ME1: variants seen among roughly 807,000 people sequenced by gnomAD.
The protein encoded by ME1 is malic enzyme 1, also known as NADP-dependent malic enzyme.
In ME1, 74 loss-of-function variants were observed where a neutral mutation model predicts 66.4. The ratio of observed to expected loss-of-function variants is 1.11; its 90% CI spans 0.92 to 1.35. ME1 has a LOEUF of 1.35. Among genes scored for constraint, ME1 ranks in the 40% most tolerant of loss-of-function variants. The probability of loss-of-function intolerance (pLI) is 0.00; values close to 1 mark genes in which losing one functional copy is unlikely to be tolerated. For missense variants in ME1, 750 were observed against 694.1 expected (o/e 1.08, Z -0.90); for synonymous variants, 251 against 235.6 (o/e 1.07, Z -0.60).
At chr6:83,271,285 G>A (rs1479404792) in intron 6 of ME1, among the ~76,000 whole-genome samples, 1 of 152,178 alleles carries the variant, frequency 6.6e-6, no homozygotes, top group Admixed American at 6.6e-5. Context: ...ACAATTTACA[G>A]ACACAAATTG....
intron 11 of ME1, among the ~76,000 whole-genome samples, chr6:83,225,635 T>C (rs1287900873): frequency 6.6e-6 from 1 of 152,086 alleles, no homozygotes; most frequent in Non-Finnish European, 1.5e-5. Context: ...TAGCTGTTTA[T>C]AAGACACTGT....
intron 1 of ME1, among the ~76,000 whole-genome samples, chr6:83,427,634 C>A (rs1332365727): frequency 3.3e-5 from 5 of 152,112 alleles, no homozygotes; most frequent in African/African-American, 1.2e-4. Flanking sequence ...ATTAAGTAAA[C>A]ATTTATTTAA....
chr6:83,413,979 T>C (rs1452113604), intron 1 of ME1, among the ~76,000 whole-genome samples: 1 of 151,720 alleles, frequency 6.6e-6, no homozygotes, highest in African/African-American at 2.4e-5. Context: ...GGTATGGTGG[T>C]GCATGCCTGT....
At chr6:83,318,017 T>C (rs1253484363) in intron 5 of ME1, among the ~76,000 whole-genome samples, 1 of 152,104 alleles carries the variant, frequency 6.6e-6, no homozygotes, top group Admixed American at 6.5e-5. Flanking sequence ...AACTATCTGA[T>C]CTTTGACAAA....
intron 6 of ME1, among the ~76,000 whole-genome samples, chr6:83,271,602 G>A (rs563098624): frequency 8.5e-5 from 13 of 152,182 alleles, no homozygotes; most frequent in African/African-American, 1.7e-4. Context: ...ACAGTAATAC[G>A]TTGTGGGTTC....
At chr6:83,324,592 T>C (rs893326701) in intron 5 of ME1, among the ~76,000 whole-genome samples, 1 of 151,346 alleles carries the variant, frequency 6.6e-6, no homozygotes, top group East Asian at 1.9e-4. Context: ...CTAGAATATC[T>C]AGAAGAAATG....
chr6:83,232,273 C>T (rs761402352), intron 9 of ME1, among the ~76,000 whole-genome samples: 14 of 152,136 alleles, frequency 9.2e-5, no homozygotes, highest in Non-Finnish European at 1.8e-4. Context: ...GTGGACAGGG[C>T]TTTCTCAGCA....
chr6:83,243,578 C>T (rs111210197), intron 7 of ME1, among the ~76,000 whole-genome samples: 537 of 40,814 alleles, frequency 0.013, 21 homozygotes, highest in African/African-American at 0.11. Context: ...ATTATAATTA[C>T]ATTATATCGA....
intron 6 of ME1, among the ~76,000 whole-genome samples, chr6:83,302,449 CTTAAAA>C (rs1258052966): frequency 6.6e-6 from 1 of 151,988 alleles, no homozygotes; most frequent in Non-Finnish European, 1.5e-5. Context: ...TACTCCTGAA[CTTAAAA>C]TTAAAGTTAT....
In ME1 at chr6:83,319,456, G is replaced by A. The variant is rs1768111722; in HGVS notation, c.601-4043C>T. On this transcript the variant is annotated intron_variant, in intron 5 of 13. Coordinates refer to ENST00000369705, the MANE Select transcript of ME1 (RefSeq NM_002395.6). ...GTGAATGGAGCCTCTGTCAAATTGA[G>A]TAGAGTATAATCTGATAACAGAGAA... is the stretch of plus-strand genomic sequence containing the variant. Among the ~76,000 whole-genome samples, 3 of 152,140 alleles carry A rather than the reference G, an allele frequency of 2.0e-5. No individual in the cohort carries two copies. The South Asian group carries it at 6.2e-4, about 32-fold the overall frequency.
In ME1 at chr6:83,346,290, G is replaced by A. The variant is rs563424360; in HGVS notation, c.483C>T (p.Asp161=). The stretch of plus-strand genomic sequence containing the variant: ...GGATGCCCATTCCATTACAGCCAAG[G>A]TCTCCCAAGCCAAGAATACGCTCTC... ...TDGERILGLG[D]LGCNGMGIPV... The change falls in exon 5 of 14, where the codon GAC becomes GAT. Residue 161 remains aspartate (D), a synonymous_variant. Transcript: ENST00000369705. The A allele has an allele frequency of 2.4e-5, 39 of 1,612,754 alleles. No homozygotes were observed. The South Asian group carries it at 4.1e-4, about 17-fold the overall frequency.
intron 1 of ME1, among the ~76,000 whole-genome samples, chr6:83,429,687 T>TCACCACACA (rs1190992268): frequency 6.2e-5 from 9 of 145,992 alleles, no homozygotes; most frequent in Non-Finnish European, 1.1e-4. Flanking sequence ...AAGGTGCCTG[T>TCACCACACA]CACCACACAC....
intron 5 of ME1, among the ~76,000 whole-genome samples, chr6:83,324,832 T>C (rs778212106): frequency 2.9e-5 from 4 of 140,094 alleles, no homozygotes; most frequent in East Asian, 4.4e-4. Flanking sequence ...TTCCAAACAA[T>C]AGAAAAAGAA....
chr6:83,234,246 T>A lies in ME1; in HGVS notation c.1026+3471A>T, dbSNP rs975481334. On this transcript the variant is annotated intron_variant, in intron 9 of 13. Transcript: ENST00000369705. ...CCACATAGACTTCCACTTTTTGGAC[T>A]TTTGAATATTTTATATCCCTAAGGA... Among the ~76,000 whole-genome samples, 9 of 152,316 alleles carry A rather than the reference T, an allele frequency of 5.9e-5. No homozygotes were observed. The East Asian group carries it at 1.7e-3, about 29-fold the overall frequency.
At chr6:83,280,364 T>C (rs913885294) in intron 6 of ME1, among the ~76,000 whole-genome samples, 3 of 152,196 alleles carry the variant, frequency 2.0e-5, no homozygotes, top group Non-Finnish European at 4.4e-5. Flanking sequence ...AATACTCTGT[T>C]ATATGGTACC....
chr6:83,426,753 G>A (rs558174699), intron 1 of ME1, among the ~76,000 whole-genome samples: 3 of 152,138 alleles, frequency 2.0e-5, no homozygotes, highest in Admixed American at 6.6e-5. Flanking sequence ...CTACTGGAAC[G>A]TAACTCTTAA....
chr6:83,403,697 C>T (rs568089422), intron 2 of ME1, among the ~76,000 whole-genome samples: 9 of 152,162 alleles, frequency 5.9e-5, no homozygotes, highest in Admixed American at 1.3e-4. Context: ...TTCCCCTCCC[C>T]GTGTCCATGT....
At chr6:83,357,312 G>C (rs1768909181) in intron 3 of ME1, among the ~76,000 whole-genome samples, 1 of 152,130 alleles carries the variant, frequency 6.6e-6, no homozygotes, top group African/African-American at 2.4e-5. Context: ...AGTATTTTGT[G>C]AAAGGATTCT....
At chr6:83,389,268 T>C (rs550843220) in intron 3 of ME1, among the ~76,000 whole-genome samples, 6 of 152,340 alleles carry the variant, frequency 3.9e-5, no homozygotes, top group Non-Finnish European at 5.9e-5. Context: ...ATGAATACTT[T>C]ATATTTTTTC....
Sources: allele counts gnomAD v4.1 joint callset (sites outside exome capture counted in the v4.1 genomes callset), GRCh38; gene constraint gnomAD v4.1.1; transcripts MANE v1.5; gene names NCBI Gene and HGNC (gene_info 2026-07-23, HGNC 2026-07-21).